ACSM1: variants seen among roughly 807,000 people sequenced by gnomAD.
ACSM1 encodes the protein acyl-CoA synthetase medium chain family member 1, also known as acyl-coenzyme A synthetase ACSM1, mitochondrial.
Under a neutral mutation model 75.8 loss-of-function variants are expected in ACSM1, and 79 were observed. The observed-to-expected ratio is 1.04, with a 90% CI of 0.87 to 1.26. The LOEUF (loss-of-function observed/expected upper bound fraction) is 1.26. ACSM1 is among the 50% of genes most tolerant of loss of function. ACSM1 has a pLI of 0.00. For missense variants in ACSM1, 676 were observed against 720.1 expected, an observed-to-expected ratio of 0.94 and a Z score of 0.70; for synonymous variants, 279 against 265.8, an observed-to-expected ratio of 1.05 and a Z score of -0.48.
intron 5 of ACSM1, among the ~76,000 whole-genome samples, chr16:20,670,508 C>G (rs2019838562): frequency 6.6e-6 from 1 of 152,198 alleles, no homozygotes. Context: ...ATGATCTTAT[C>G]AAAATACAAA....
chr16:20,664,147 GTATT>G (rs71149169), intron 6 of ACSM1, among the ~76,000 whole-genome samples: 5 of 145,520 alleles, frequency 3.4e-5, no homozygotes, highest in Non-Finnish European at 6.0e-5. Flanking sequence ...AAATTGAATA[GTATT>G]TATTTATTTA....
intron 7 of ACSM1, among the ~76,000 whole-genome samples, chr16:20,645,880 G>A (rs1346209707): frequency 1.3e-5 from 2 of 152,180 alleles, no homozygotes; most frequent in Non-Finnish European, 2.9e-5. Context: ...AAATCCTACT[G>A]CTCTTCTGGA....
intron 5 of ACSM1, among the ~76,000 whole-genome samples, chr16:20,670,946 T>C (rs1313160513): frequency 6.6e-6 from 1 of 152,212 alleles, no homozygotes; most frequent in Non-Finnish European, 1.5e-5. Flanking sequence ...ATATTACTAG[T>C]TGGAGATGAG....
intron 1 of ACSM1, among the ~76,000 whole-genome samples, chr16:20,694,897 C>A (rs1348868488): frequency 1.3e-5 from 2 of 152,086 alleles, no homozygotes; most frequent in South Asian, 4.1e-4. Flanking sequence ...AGAGGGAGAC[C>A]ATGTGAATAT....
At chr16:20,653,509 C>T (rs1180669804) in intron 7 of ACSM1, among the ~76,000 whole-genome samples, 1 of 152,158 alleles carries the variant, frequency 6.6e-6, no homozygotes, top group Non-Finnish European at 1.5e-5. Context: ...AAAACCCCAT[C>T]GTCTCAGCCC....
At chr16:20,664,124 GT>G (rs1319478808) in intron 6 of ACSM1, among the ~76,000 whole-genome samples, 5 of 109,324 alleles carry the variant, frequency 4.6e-5, no homozygotes, top group Non-Finnish European at 7.8e-5. Flanking sequence ...TAGAAGGAAT[GT>G]TTTGTTTTAC....
intron 6 of ACSM1, among the ~76,000 whole-genome samples, chr16:20,668,104 C>A (rs2019673706): frequency 6.6e-6 from 1 of 152,076 alleles, no homozygotes; most frequent in Non-Finnish European, 1.5e-5. Flanking sequence ...TACTCCAAAC[C>A]TCAGAATCAT....
intron 2 of ACSM1, among the ~76,000 whole-genome samples, chr16:20,688,110 A>T (rs1024732244): frequency 6.6e-6 from 1 of 152,020 alleles, no homozygotes; most frequent in Non-Finnish European, 1.5e-5. Flanking sequence ...AAAGAACCAA[A>T]CAATATTTGG....
In ACSM1 at chr16:20,669,972, C is replaced by T. The variant is rs1438641945; in HGVS notation, c.767G>A (p.Ser256Asn). 6.2e-7 allele frequency: 1 copy of T among 1,613,634 alleles called. No individual in the cohort carries two copies. Among genetic ancestry groups the T allele is most frequent in the East Asian group, 2.2e-5 (1 of 44,844 alleles). The change falls in exon 6 of 14, where the codon AGC becomes AAC. Residue 256 changes from serine to asparagine, a missense_variant. Transcript: ENST00000520010. ...CCAGGAGACATCAGATGTCTTCAGG[C>T]TCCGTAATTTCCTACTAACTCCAAA... ...PSFPGSRKLR[S>N]LKTSDVSWCL...
At chr16:20,655,953 G>T (rs890948636) in intron 7 of ACSM1, among the ~76,000 whole-genome samples, 2 of 152,228 alleles carry the variant, frequency 1.3e-5, no homozygotes, top group East Asian at 3.9e-4. Context: ...GAGTCACTGT[G>T]CCTGGCTGAC....
At chr16:20,666,960 G>T (rs2019602590) in intron 6 of ACSM1, among the ~76,000 whole-genome samples, 1 of 152,144 alleles carries the variant, frequency 6.6e-6, no homozygotes, top group Admixed American at 6.6e-5. Context: ...ATGGAGTAAG[G>T]ATTTAAATAT....
intron 4 of ACSM1, among the ~76,000 whole-genome samples, chr16:20,678,587 G>C (rs1055238010): frequency 1.3e-5 from 2 of 152,198 alleles, no homozygotes; most frequent in African/African-American, 4.8e-5. Flanking sequence ...GAAGGAACTA[G>C]AGGTGACCAA....
rs537482302 is a variant in ACSM1, at chr16:20,690,982, C to T, written c.192+15G>A. On this transcript the variant is annotated intron_variant, in intron 2 of 13. Coordinates refer to ENST00000520010, the MANE Select transcript of ACSM1 (RefSeq NM_001318890.3). ...CACCCTTGTTCTTATATCGCCATCA[C>T]GGCAGATCTCTTACCTTCTCCTTTT... 8.1e-6 allele frequency: 13 copies of T among 1,604,468 alleles called. No homozygotes were observed. The highest frequency in any genetic ancestry group is 6.8e-5 in the East Asian group (3 of 44,316).
At chr16:20,639,406 C>A (rs1019681664) in intron 8 of ACSM1, among the ~76,000 whole-genome samples, 4 of 152,160 alleles carry the variant, frequency 2.6e-5, no homozygotes, top group African/African-American at 9.7e-5. Flanking sequence ...ACTTTTTGAG[C>A]CAGCTTCCTC....
At chr16:20,684,830 T>C (rs2079516722) in intron 3 of ACSM1, among the ~76,000 whole-genome samples, 1 of 152,148 alleles carries the variant, frequency 6.6e-6, no homozygotes, top group African/African-American at 2.4e-5. Flanking sequence ...TCTGAGGCTG[T>C]GCAAGAGAAA....
At chr16:20,671,438 A>G (rs996587896) in intron 5 of ACSM1, 93 bp downstream of exon 5, 12 of 1,185,888 alleles carry the variant, frequency 1.0e-5, no homozygotes, top group Non-Finnish European at 1.3e-5. Context: ...TTCCTTTCCC[A>G]AGACACACAC....
chr16:20,655,102 C>T (rs754816529), intron 7 of ACSM1, among the ~76,000 whole-genome samples: 2 of 151,912 alleles, frequency 1.3e-5, no homozygotes, highest in South Asian at 2.1e-4. Context: ...TTTCTAGGGA[C>T]GTGGATGAAG....
intron 6 of ACSM1, among the ~76,000 whole-genome samples, chr16:20,662,839 C>T (rs1342335630): frequency 6.6e-6 from 1 of 152,146 alleles, no homozygotes; most frequent in African/African-American, 2.4e-5. Context: ...CCCACTGCCC[C>T]TACCCCAACA....
At chr16:20,638,610 C>T (rs1449177206) in intron 8 of ACSM1, among the ~76,000 whole-genome samples, 1 of 152,224 alleles carries the variant, frequency 6.6e-6, no homozygotes, top group Non-Finnish European at 1.5e-5. Flanking sequence ...TACCTTATCA[C>T]AATCTGTTAA....
Sources: allele counts gnomAD v4.1 joint callset (sites outside exome capture counted in the v4.1 genomes callset), GRCh38; gene constraint gnomAD v4.1.1; transcripts MANE v1.5; gene names NCBI Gene and HGNC (gene_info 2026-07-23, HGNC 2026-07-21).